The following CASR variants were observed in gnomAD, a reference collection of about 807,000 sequenced individuals.
CASR encodes extracellular calcium-sensing receptor.
CASR carries 23 observed loss-of-function variants against 69.1 expected under a neutral mutation model. The observed-to-expected ratio is 0.33, with a 90% CI of 0.24 to 0.47. The LOEUF is 0.47. CASR is among the 20% of genes least tolerant of loss of function. The pLI is 1.00. For synonymous variants in CASR, 541 were observed against 544.7 expected (o/e 0.99, Z 0.10); for missense variants, 924 against 1,356.1 (o/e 0.68, Z 5.00).
At chr3:122,229,687 C>A (rs2074261451) in intron 1 of CASR, among the ~76,000 whole-genome samples, 1 of 152,132 alleles carries the variant, frequency 6.6e-6, no homozygotes, top group Non-Finnish European at 1.5e-5. Context: ...CATGGTGAAA[C>A]CCCACCTCTA....
At chr3:122,227,303 A>G (rs970734387) in intron 1 of CASR, among the ~76,000 whole-genome samples, 7 of 145,232 alleles carry the variant, frequency 4.8e-5, no homozygotes, top group African/African-American at 9.9e-5. Context: ...ACAGGAGCCC[A>G]TGGTGGGGGG....
chr3:122,291,310 C>A lies in CASR; in HGVS notation c.*6119C>A, dbSNP rs1424828999. 1 of 151,584 alleles carries A rather than the reference C, an allele frequency of 6.6e-6. No homozygotes were observed. 9.4% of individuals were successfully genotyped at this position (151,584 alleles called of 1,614,324 possible). Reference sequence around the variant, plus strand: ...GATCCCTGAGGAATCGCCACACTGACTTCCACAATGGTTGAACTAGTTTAC... The same window carrying A: ...GATCCCTGAGGAATCGCCACACTGAATTCCACAATGGTTGAACTAGTTTAC... On this transcript the variant is annotated 3_prime_UTR_variant, in exon 7 of 7. Coordinates refer to ENST00000639785, the MANE Select transcript of CASR (RefSeq NM_000388.4).
chr3:122,262,771 T>C (rs1302248465), intron 4 of CASR, among the ~76,000 whole-genome samples: 1 of 152,200 alleles, frequency 6.6e-6, no homozygotes, highest in Admixed American at 6.5e-5. Flanking sequence ...AGAAGTATTT[T>C]TTGAGTACCT....
At position 122,278,806 on chromosome 3, in the gene CASR, C is replaced by T. The variant is rs369474016; in HGVS notation, c.1608+2764C>T. On this transcript the variant is annotated intron_variant, in intron 5 of 6. Transcript: ENST00000639785. ...GCGAATCTCAGCTCTCCAGTCAAGC[C>T]ATTGTGTGACCTTCAGCCTGTTCCT... Among the ~76,000 whole-genome samples the T allele has an allele frequency of 2.2e-4, 33 of 152,128 alleles. No individual in the cohort carries two copies. The East Asian group carries it at 3.5e-3, about 16-fold the overall frequency.
At chr3:122,246,907 A>G (rs1262432111) in intron 1 of CASR, 1 of 152,240 alleles carries the variant, frequency 6.6e-6, no homozygotes, top group Non-Finnish European at 1.5e-5. Flanking sequence ...CGGAGAACAG[A>G]AACATATGCC....
chr3:122,222,555 C>T (rs2074182169), intron 1 of CASR, among the ~76,000 whole-genome samples: 2 of 151,836 alleles, frequency 1.3e-5, no homozygotes, highest in South Asian at 4.2e-4. Flanking sequence ...AATGGAGCAC[C>T]CAGATTCATA....
chr3:122,237,508 A>G (rs902354904), intron 1 of CASR, among the ~76,000 whole-genome samples: 1 of 152,214 alleles, frequency 6.6e-6, no homozygotes. Context: ...ATGCCCACCA[A>G]TGGGAAAATG....
At chr3:122,250,957 C>T (rs1468382329) in intron 1 of CASR, among the ~76,000 whole-genome samples, 1 of 152,092 alleles carries the variant, frequency 6.6e-6, no homozygotes, top group African/African-American at 2.4e-5. Flanking sequence ...CTTTATATTC[C>T]CAGCACATGT....
intron 1 of CASR, among the ~76,000 whole-genome samples, chr3:122,192,360 G>A (rs926382705): frequency 6.6e-6 from 1 of 152,194 alleles, no homozygotes; most frequent in Non-Finnish European, 1.5e-5. Context: ...GCTTAAATGG[G>A]TTCATACAGG....
intron 1 of CASR, among the ~76,000 whole-genome samples, chr3:122,252,443 A>AAGAAAGAAAGAAAGAAAGAAAG (rs2074504681): frequency 9.2e-6 from 1 of 108,580 alleles, no homozygotes; most frequent in African/African-American, 3.9e-5. Flanking sequence ...GAAAGAAAGA[A>AAGAAAGAAAGAAAGAAAGAAAG]AGAAAAAAAA....
chr3:122,216,328 A>T (rs2074117435), intron 1 of CASR, among the ~76,000 whole-genome samples: 2 of 152,186 alleles, frequency 1.3e-5, no homozygotes, highest in Admixed American at 6.5e-5. Context: ...GTACTTGATC[A>T]TGGGCAAGGG....
At chr3:122,186,037 T>G (rs1486763146) in intron 1 of CASR, among the ~76,000 whole-genome samples, 1 of 151,562 alleles carries the variant, frequency 6.6e-6, no homozygotes, top group African/African-American at 2.4e-5. Context: ...GACCAAAACA[T>G]AGTAAGTGAA....
intron 3 of CASR, among the ~76,000 whole-genome samples, chr3:122,260,782 A>G (rs2074611673): frequency 1.3e-5 from 2 of 152,132 alleles, no homozygotes; most frequent in African/African-American, 4.8e-5. Flanking sequence ...ATTTAATTAC[A>G]TACGTCATTG....
At chr3:122,214,132 T>C (rs1404879972) in intron 1 of CASR, among the ~76,000 whole-genome samples, 1 of 152,214 alleles carries the variant, frequency 6.6e-6, no homozygotes, top group Non-Finnish European at 1.5e-5. Flanking sequence ...TGTCATTGGC[T>C]CTTTTAGGTT....
At chr3:122,204,661 A>G (rs987512058) in intron 1 of CASR, among the ~76,000 whole-genome samples, 2 of 152,212 alleles carry the variant, frequency 1.3e-5, no homozygotes, top group Non-Finnish European at 2.9e-5. Flanking sequence ...GCTATTCTCC[A>G]TAGTGGCTGT....
chr3:122,256,872 C>T (rs1385410302), intron 2 of CASR, among the ~76,000 whole-genome samples: 1 of 152,214 alleles, frequency 6.6e-6, no homozygotes, highest in Admixed American at 6.5e-5. Flanking sequence ...CCACCCGCCT[C>T]GGCCTCCCGA....
intron 6 of CASR, among the ~76,000 whole-genome samples, chr3:122,283,373 T>C (rs1440529235): frequency 6.6e-6 from 1 of 152,234 alleles, no homozygotes; most frequent in African/African-American, 2.4e-5. Context: ...GGCAGCCACC[T>C]GTCCAGCAAG....
At chr3:122,222,586 A>G (rs937625454) in intron 1 of CASR, among the ~76,000 whole-genome samples, 1 of 152,198 alleles carries the variant, frequency 6.6e-6, no homozygotes, top group Non-Finnish European at 1.5e-5. Context: ...TTAGAGATCT[A>G]TGAAGAGATT....
chr3:122,265,901 A>G (rs1258061498), intron 4 of CASR, among the ~76,000 whole-genome samples: 1 of 152,150 alleles, frequency 6.6e-6, no homozygotes, highest in Non-Finnish European at 1.5e-5. Context: ...TACTGCTGGA[A>G]GTTGGGGAAT....
Sources: gnomAD v4.1 joint callset for allele counts (sites outside exome capture counted in the v4.1 genomes callset) on GRCh38, gnomAD v4.1.1 for gene constraint, MANE v1.5 for transcripts, NCBI Gene and HGNC (gene_info 2026-07-23, HGNC 2026-07-21) for gene names.